Variants in VAV3 observed in about 807,000 individuals in gnomAD.
The protein encoded by VAV3 is vav guanine nucleotide exchange factor 3, also known as guanine nucleotide exchange factor VAV3.
A neutral mutation model predicts 131.2 loss-of-function variants in VAV3; 94 were observed. The observed-to-expected ratio is 0.72, with a 90% CI of 0.61 to 0.85. The LOEUF is 0.85. Ranked by LOEUF, VAV3 falls within the 40% of genes least tolerant of loss-of-function variation. The pLI, the probability that VAV3 is intolerant of heterozygous loss-of-function variation, is 0.00. For synonymous variants in VAV3, 349 were observed against 342.0 expected (o/e 1.02, Z -0.22); for missense variants, 939 against 1,002.7 (o/e 0.94, Z 0.86).
intron 15 of VAV3, among the ~76,000 whole-genome samples, chr1:107,725,237 G>A (rs1194922208): frequency 2.0e-5 from 3 of 152,172 alleles, no homozygotes; most frequent in African/African-American, 7.2e-5. Flanking sequence ...CAGTAGCCCA[G>A]GAGGAAATGG....
chr1:107,773,934 A>C (rs1280903692), intron 4 of VAV3, among the ~76,000 whole-genome samples: 1 of 152,144 alleles, frequency 6.6e-6, no homozygotes, highest in Non-Finnish European at 1.5e-5. Context: ...CTAATCCCAG[A>C]ACTCCTGCTT....
At chr1:107,796,812 T>C (rs1406151301) in intron 2 of VAV3, among the ~76,000 whole-genome samples, 2 of 150,034 alleles carry the variant, frequency 1.3e-5, no homozygotes, top group East Asian at 1.9e-4. Flanking sequence ...AAAATATATA[T>C]ATATATGCAA....
intron 15 of VAV3, among the ~76,000 whole-genome samples, chr1:107,722,892 A>T (rs1485934337): frequency 4.1e-5 from 5 of 121,588 alleles, no homozygotes; most frequent in Non-Finnish European, 8.1e-5. Context: ...TTGCATTCAT[A>T]GTGACCTTTC....
chr1:107,910,367 C>A (rs144005477), intron 1 of VAV3, among the ~76,000 whole-genome samples: 1 of 152,320 alleles, frequency 6.6e-6, no homozygotes, highest in Non-Finnish European at 1.5e-5. Flanking sequence ...CAATCACATA[C>A]TTTTCACTCC....
intron 1 of VAV3, among the ~76,000 whole-genome samples, chr1:107,955,564 G>C (rs112545452): frequency 2.3e-3 from 345 of 152,198 alleles, no homozygotes; most frequent in East Asian, 9.6e-3. Flanking sequence ...AGACACTGTG[G>C]CACAAAGCAG....
chr1:107,684,058 T>G (rs1658844599), intron 18 of VAV3, among the ~76,000 whole-genome samples: 1 of 152,204 alleles, frequency 6.6e-6, no homozygotes, highest in African/African-American at 2.4e-5. Context: ...ACCAGTTGTA[T>G]CTGAACACTT....
At chr1:107,769,379 C>A (rs1053951352) in intron 6 of VAV3, among the ~76,000 whole-genome samples, 2 of 152,210 alleles carry the variant, frequency 1.3e-5, no homozygotes, top group Non-Finnish European at 2.9e-5. Context: ...CAAAACTCAA[C>A]TGGGCCTGTA....
chr1:107,792,669 TTCTAA>T (rs1361291344), intron 2 of VAV3, among the ~76,000 whole-genome samples: 1 of 152,248 alleles, frequency 6.6e-6, no homozygotes, highest in East Asian at 1.9e-4. Flanking sequence ...TCTCAGTTAA[TTCTAA>T]TCTATTTCCA....
chr1:107,631,953 T>A (rs985807749), intron 20 of VAV3, among the ~76,000 whole-genome samples: 2 of 152,090 alleles, frequency 1.3e-5, no homozygotes, highest in Non-Finnish European at 1.5e-5. Flanking sequence ...TGCATGTACC[T>A]TTATAGCAGC....
At chr1:107,725,192 T>G (rs1661766212) in intron 15 of VAV3, among the ~76,000 whole-genome samples, 1 of 152,166 alleles carries the variant, frequency 6.6e-6, no homozygotes, top group Admixed American at 6.5e-5. Context: ...GTCAGGTGGC[T>G]ACAATGGCAG....
chr1:107,781,159 T>C (rs1665663579), intron 2 of VAV3, among the ~76,000 whole-genome samples: 1 of 152,142 alleles, frequency 6.6e-6, no homozygotes, highest in Non-Finnish European at 1.5e-5. Flanking sequence ...CTCACAAGTT[T>C]TCAGCTATGC....
Position 107,844,283 on chromosome 1 carries a change from C to T in VAV3, c.321+30618G>A, listed in dbSNP as rs117380881. Among the ~76,000 whole-genome samples, 433 of 152,180 alleles carry T rather than the reference C, an allele frequency of 2.8e-3. 16 individuals carry two copies. In the East Asian group the frequency reaches 0.075, roughly 26 times the overall value. Reference sequence around the variant, plus strand: ...CTGTGCCACGAGGGACGGTGCTATCCGGCCCAGATACTATGTTTTTCCCAC... The same window carrying T: ...CTGTGCCACGAGGGACGGTGCTATCTGGCCCAGATACTATGTTTTTCCCAC... On this transcript the variant is annotated intron_variant, in intron 2 of 26. Coordinates refer to ENST00000370056, the MANE Select transcript of VAV3 (RefSeq NM_006113.5).
At chr1:107,632,669 T>G (rs1557719031) in intron 20 of VAV3, among the ~76,000 whole-genome samples, 1 of 152,204 alleles carries the variant, frequency 6.6e-6, no homozygotes, top group Admixed American at 6.5e-5. Flanking sequence ...GCAAAATGAT[T>G]CTTCTAAAGA....
intron 2 of VAV3, among the ~76,000 whole-genome samples, chr1:107,784,792 A>T (rs1439376387): frequency 6.6e-6 from 1 of 152,246 alleles, no homozygotes; most frequent in Non-Finnish European, 1.5e-5. Flanking sequence ...TACCTTGCTA[A>T]ATTGTTTTAA....
intron 1 of VAV3, among the ~76,000 whole-genome samples, chr1:107,925,912 C>G (rs6660633): frequency 1.8e-5 from 1 of 56,474 alleles, no homozygotes; most frequent in African/African-American, 5.9e-5. Flanking sequence ...ATATATGTTA[C>G]ATATATAACA....
At chr1:107,720,698 T>C (rs1177761995) in intron 15 of VAV3, among the ~76,000 whole-genome samples, 1 of 152,130 alleles carries the variant, frequency 6.6e-6, no homozygotes, top group Non-Finnish European at 1.5e-5. Flanking sequence ...AGTGTAGTGC[T>C]TTAGTAACAT....
At chr1:107,647,306 A>C (rs1352652216) in intron 19 of VAV3, among the ~76,000 whole-genome samples, 2 of 151,344 alleles carry the variant, frequency 1.3e-5, no homozygotes, top group Admixed American at 1.3e-4. Flanking sequence ...CAGCCACATT[A>C]AAAAATAATT....
chr1:107,736,021 G>A (rs1662603433), intron 15 of VAV3, among the ~76,000 whole-genome samples: 1 of 152,124 alleles, frequency 6.6e-6, no homozygotes, highest in Admixed American at 6.5e-5. Flanking sequence ...GATCAAGTTG[G>A]CTTCATCCCT....
At position 107,949,943 on chromosome 1, in the gene VAV3, A is replaced by G. The variant is rs148152945; in HGVS notation, c.204+14723T>C. On this transcript the variant is annotated intron_variant, in intron 1 of 26. Coordinates refer to ENST00000370056, the MANE Select transcript of VAV3 (RefSeq NM_006113.5). ...CAGGTATTGCCTATATGATTAAAAGAAAGTTGTACTACTGAATCATAACAT... is the reference window on the plus strand; with the variant it reads ...CAGGTATTGCCTATATGATTAAAAGGAAGTTGTACTACTGAATCATAACAT... 2.7e-3 allele frequency among the ~76,000 whole-genome samples: 407 copies of G among 152,318 alleles called. 4 individuals carry two copies. Among genetic ancestry groups the G allele is most frequent in the African/African-American group, 9.4e-3 (392 of 41,560 alleles).
Sources: gnomAD v4.1 joint callset for allele counts (sites outside exome capture counted in the v4.1 genomes callset) on GRCh38, gnomAD v4.1.1 for gene constraint, MANE v1.5 for transcripts, NCBI Gene and HGNC (gene_info 2026-07-23, HGNC 2026-07-21) for gene names.